ABCB1: variants seen among roughly 807,000 people sequenced by gnomAD.
ABCB1 encodes ATP-dependent translocase ABCB1.
A neutral mutation model predicts 142.0 loss-of-function variants in ABCB1; 69 were observed. That is an observed-to-expected ratio of 0.49 (90% CI 0.40 to 0.59). ABCB1 has a LOEUF of 0.59. Among genes scored for constraint, ABCB1 ranks in the 20% least tolerant of loss-of-function variants. The probability of loss-of-function intolerance (pLI) is 0.00; values close to 1 mark genes in which losing one functional copy is unlikely to be tolerated. For synonymous variants in ABCB1, 532 were observed against 539.2 expected, an observed-to-expected ratio of 0.99 and a Z score of 0.18; for missense variants, 1,326 against 1,554.7, an observed-to-expected ratio of 0.85 and a Z score of 2.47.
chr7:87,549,831 A>G lies in ABCB1; in HGVS notation c.1554+20T>C. The G allele has an allele frequency of 6.2e-7, 1 of 1,613,940 alleles. No individual in the cohort carries two copies. The highest frequency in any genetic ancestry group is 1.6e-4 in the Middle Eastern group (1 of 6,062). On this transcript the variant is annotated intron_variant, in intron 13 of 27. Transcript: ENST00000622132. ...TTATTTTTTGCACCTCTAGAAAGGC[A>G]AAGGGCAAGGACAACTTACATGAGG...
At chr7:87,530,039 T>C (rs1263481876) in intron 21 of ABCB1, among the ~76,000 whole-genome samples, 1 of 152,102 alleles carries the variant, frequency 6.6e-6, no homozygotes, top group Non-Finnish European at 1.5e-5. Flanking sequence ...CCCCCAAAAA[T>C]GGGATAAAGA....
At chr7:87,594,670 G>A (rs1029971636) in intron 3 of ABCB1, among the ~76,000 whole-genome samples, 9 of 152,138 alleles carry the variant, frequency 5.9e-5, no homozygotes, top group Non-Finnish European at 1.2e-4. Flanking sequence ...CAAGTACATA[G>A]TCTCATCTCA....
At position 87,642,748 on chromosome 7, in the gene ABCB1, T is replaced by C. The variant is rs183510277; in HGVS notation, c.-330-41670A>G. Among the ~76,000 whole-genome samples the C allele has an allele frequency of 3.9e-3, 599 of 152,246 alleles. 1 individual carries two copies. The highest frequency in any genetic ancestry group is 6.7e-3 in the Non-Finnish European group (457 of 68,014). On this transcript the variant is annotated intron_variant, in intron 1 of 28. Coordinates refer to the ABCB1 transcript ENST00000265724. ...AGTGTGCTTCTAACGTTATTTTTTA[T>C]GTTTGGCAATCTGCTGTCATCAGTC...
upstream of ABCB1, among the ~76,000 whole-genome samples, chr7:87,604,477 T>C (rs755657579): frequency 4.0e-5 from 6 of 151,736 alleles, no homozygotes; most frequent in Non-Finnish European, 8.8e-5. Flanking sequence ...CCACACACTC[T>C]CCACCCTTTC....
chr7:87,513,502 A>C (rs530708817), intron 25 of ABCB1, among the ~76,000 whole-genome samples: 15 of 152,062 alleles, frequency 9.9e-5, no homozygotes, highest in Non-Finnish European at 2.2e-4. Context: ...TGTTTTTCCC[A>C]CTGGAAAGTG....
chr7:87,545,832 G>T, intron 15 of ABCB1, 31 bp downstream of exon 15: 1 of 1,607,416 alleles, frequency 6.2e-7, no homozygotes, highest in South Asian at 1.1e-5. Flanking sequence ...TCACTGAGAT[G>T]ACTTAGGAAA....
At chr7:87,592,618 C>T (rs1036488013) in intron 3 of ABCB1, among the ~76,000 whole-genome samples, 1 of 152,200 alleles carries the variant, frequency 6.6e-6, no homozygotes, top group Admixed American at 6.5e-5. Context: ...CTGGGCATAT[C>T]TGAGTCTACC....
chr7:87,530,442 G>A (rs1731693702), intron 21 of ABCB1, among the ~76,000 whole-genome samples: 1 of 152,072 alleles, frequency 6.6e-6, no homozygotes, highest in Non-Finnish European at 1.5e-5. Context: ...TGACCTGCCT[G>A]TGCCTCAGCC....
At chr7:87,629,045 G>C in intron 1 of ABCB1, 1 of 1,110,730 alleles carries the variant, frequency 9.0e-7, no homozygotes, top group Non-Finnish European at 1.2e-6. Flanking sequence ...ATGGGCTGCC[G>C]CCCAGTGCCC....
intron 3 of ABCB1, among the ~76,000 whole-genome samples, chr7:87,586,716 A>G (rs1324423503): frequency 2.0e-5 from 3 of 152,214 alleles, no homozygotes; most frequent in African/African-American, 7.2e-5. Flanking sequence ...GGGGATAGAA[A>G]CCAATCCTAG....
At chr7:87,521,023 A>G (rs993722159) in intron 21 of ABCB1, 147 bp from the exon 22 acceptor site, 1 of 675,236 alleles carries the variant, frequency 1.5e-6, no homozygotes, top group Non-Finnish European at 2.6e-6. Flanking sequence ...AAAAGATACT[A>G]AGTAATTTAT....
chr7:87,514,205 G>A (rs909487794), intron 25 of ABCB1, among the ~76,000 whole-genome samples: 2 of 152,130 alleles, frequency 1.3e-5, no homozygotes, highest in African/African-American at 4.8e-5. Context: ...CATACACAGC[G>A]GGTGGGCATC....
intron 1 of ABCB1, among the ~76,000 whole-genome samples, chr7:87,606,581 C>T (rs566948684): frequency 1.2e-4 from 18 of 152,058 alleles, no homozygotes; most frequent in African/African-American, 4.3e-4. Context: ...TAATATAAAA[C>T]GTGCTTACAG....
At chr7:87,646,432 C>G (rs908753931) in intron 1 of ABCB1, among the ~76,000 whole-genome samples, 1 of 152,044 alleles carries the variant, frequency 6.6e-6, no homozygotes, top group Non-Finnish European at 1.5e-5. Flanking sequence ...GAATTAAGCA[C>G]TTTGTTAATT....
At chr7:87,506,119 T>G (rs2235069) in intron 26 of ABCB1, 76 bp from the exon 27 acceptor site, 1 of 1,465,556 alleles carries the variant, frequency 6.8e-7, no homozygotes, top group East Asian at 2.3e-5. Flanking sequence ...GAAAGTAGGA[T>G]AGACGATTCT....
intron 1 of ABCB1, chr7:87,710,680 A>AAT: frequency 7.7e-7 from 1 of 1,303,402 alleles, no homozygotes; most frequent in Non-Finnish European, 1.1e-6. Context: ...TTAATTTTCT[A>AAT]ATATATATTT....
At chr7:87,524,037 T>C (rs1815665098) in intron 21 of ABCB1, among the ~76,000 whole-genome samples, 1 of 152,182 alleles carries the variant, frequency 6.6e-6, no homozygotes, top group Non-Finnish European at 1.5e-5. Context: ...CTTAAAATCA[T>C]AAACATGGAA....
intron 5 of ABCB1, among the ~76,000 whole-genome samples, chr7:87,567,532 T>G (rs891418698): frequency 1.3e-5 from 2 of 152,206 alleles, no homozygotes; most frequent in Non-Finnish European, 2.9e-5. Context: ...AAATAATCCC[T>G]TGGCCTTTTG....
chr7:87,553,496 A>AT (rs1584874891), intron 9 of ABCB1, among the ~76,000 whole-genome samples: 4 of 151,574 alleles, frequency 2.6e-5, no homozygotes, highest in Non-Finnish European at 2.9e-5. Context: ...AATTTTTTGT[A>AT]TTTTTTGTAG....
Sources: gnomAD v4.1 joint callset for allele counts (sites outside exome capture counted in the v4.1 genomes callset) on GRCh38, gnomAD v4.1.1 for gene constraint, MANE v1.5 for transcripts, NCBI Gene and HGNC (gene_info 2026-07-23, HGNC 2026-07-21) for gene names.